Variants in USP11 observed in about 807,000 individuals in gnomAD.
USP11 encodes ubiquitin carboxyl-terminal hydrolase 11.
In USP11, 5 loss-of-function variants were observed where a neutral mutation model predicts 72.8. The ratio of observed to expected loss-of-function variants is 0.07; its 90% CI spans 0.04 to 0.14. The LOEUF (loss-of-function observed/expected upper bound fraction) is 0.14. USP11 is among the 10% of genes least tolerant of loss of function. The pLI is 1.00. For missense variants in USP11, 480 were observed against 794.7 expected, an observed-to-expected ratio of 0.60 and a Z score of 4.76; for synonymous variants, 368 against 326.5, an observed-to-expected ratio of 1.13 and a Z score of -1.37.
In USP11 at chrX:47,241,592, T is replaced by A; in HGVS notation, c.1072T>A (p.Ser358Thr). 4 of 1,208,878 alleles carry A rather than the reference T, an allele frequency of 3.3e-6. No individual in the cohort carries two copies. Among genetic ancestry groups the A allele is most frequent in the Non-Finnish European group, 4.5e-6 (4 of 894,284 alleles). ...SQFLGYQQHDSQELLSFLLDG... is the reference protein window; with the variant it reads ...SQFLGYQQHDTQELLSFLLDG... Reference sequence around the variant, plus strand: ...ATTTCTGGGCTACCAGCAGCATGACTCTCAGGAGCTGCTGTCATTCCTCCT... The same window carrying A: ...ATTTCTGGGCTACCAGCAGCATGACACTCAGGAGCTGCTGTCATTCCTCCT... Residue 358 changes from serine (S) to threonine (T), a missense_variant, in exon 9 of 21, where the codon TCT becomes ACT. Ser to Thr is a moderately conservative substitution (Grantham distance 58). This residue lies in a region of USP11 where 314 missense variants were observed against 556.0 expected (regional missense o/e 0.56). Coordinates refer to ENST00000377107, the MANE Select transcript of USP11 (RefSeq NM_001371072.1).
intron 5 of USP11, 43 bp from the exon 6 acceptor site, chrX:47,240,544 T>G (rs370299607): frequency 2.2e-5 from 27 of 1,207,285 alleles, no homozygotes; most frequent in Admixed American, 1.3e-4. Flanking sequence ...ACCCATAATG[T>G]CCTCCATTAA....
At position 47,247,257 on chromosome X, in the gene USP11, A is replaced by G. The variant is rs749002609; in HGVS notation, c.2420+36A>G. On this transcript the variant is annotated intron_variant, in intron 18 of 20. Coordinates refer to ENST00000377107, the MANE Select transcript of USP11 (RefSeq NM_001371072.1). ...AGGGAGAGGATGGCTGGGGGAAGGCAGGGAAAGGAGGGGGTGTACCAGTAT... is the reference window on the plus strand; with the variant it reads ...AGGGAGAGGATGGCTGGGGGAAGGCGGGGAAAGGAGGGGGTGTACCAGTAT... 96 of 1,209,008 alleles carry G rather than the reference A, an allele frequency of 7.9e-5. No individual in the cohort carries two copies. The South Asian group carries it at 1.1e-3, about 14-fold the overall frequency.
intron 1 of USP11, among the ~76,000 whole-genome samples, chrX:47,238,187 CTT>C (rs756979418): frequency 7.1e-5 from 6 of 84,344 alleles, no homozygotes; most frequent in East Asian, 7.2e-4. Context: ...ATATGCAGTT[CTT>C]TTTTTTTTTT....
At chrX:47,247,584 G>C in intron 19 of USP11, 27 bp from the exon 20 acceptor site, 2 of 1,207,287 alleles carry the variant, frequency 1.7e-6, no homozygotes, top group Non-Finnish European at 2.2e-6. Flanking sequence ...GGAAGGGTAG[G>C]CGAGGATAAC....
At chrX:47,245,578 C>T in intron 17 of USP11, 96 bp downstream of exon 17, 1 of 553,326 alleles carries the variant, frequency 1.8e-6, no homozygotes, top group Non-Finnish European at 2.8e-6. Flanking sequence ...GAGTCTGGCT[C>T]TGTCAACCCA....
In USP11 at chrX:47,247,236, A is replaced by G; in HGVS notation, c.2420+15A>G. 1.7e-6 allele frequency: 2 copies of G among 1,210,909 alleles called. No individual in the cohort carries two copies. Among genetic ancestry groups the G allele is most frequent in the Non-Finnish European group, 2.2e-6 (2 of 895,290 alleles). Reference sequence around the variant, plus strand: ...TTTCCTATCCGGTCAGGGGCCAGGGAGAGGATGGCTGGGGGAAGGCAGGGA... The same window carrying G: ...TTTCCTATCCGGTCAGGGGCCAGGGGGAGGATGGCTGGGGGAAGGCAGGGA... On this transcript the variant is annotated intron_variant, in intron 18 of 20. Transcript: ENST00000377107.
chrX:47,248,223 C>G lies in USP11; in HGVS notation c.*293C>G. 1 of 311,212 alleles carries G rather than the reference C, an allele frequency of 3.2e-6. No homozygotes were observed. Among genetic ancestry groups the G allele is most frequent in the Non-Finnish European group, 5.5e-6 (1 of 180,769 alleles). 25.6% of individuals were successfully genotyped at this position (311,212 alleles called of 1,213,427 possible). A position where few individuals can be genotyped will look rare whatever the true frequency, so the allele number is the denominator to read the frequency against. ...CCTCTCCTCAGCCCAGAGTGTTCTG[C>G]GTGGGTGGTGATGGGGGTTCACCTG... On this transcript the variant is annotated 3_prime_UTR_variant, in exon 21 of 21. Transcript: ENST00000377107.
At chrX:47,238,297 C>T (rs1310684457) in intron 1 of USP11, among the ~76,000 whole-genome samples, 2 of 105,617 alleles carry the variant, frequency 1.9e-5, no homozygotes, top group Non-Finnish European at 3.9e-5. Flanking sequence ...AAGTGATTCT[C>T]ATGCCTCTGC....
In USP11 at chrX:47,248,099, G is replaced by C. The variant is rs1394626110; in HGVS notation, c.*169G>C. The C allele has an allele frequency of 1.2e-5, 9 of 776,454 alleles. No homozygotes were observed. Among genetic ancestry groups the C allele is most frequent in the Admixed American group, 4.1e-5 (1 of 24,265 alleles). The allele number at this position is 776,454 out of a possible 1,213,427, so 64.0% of individuals were successfully genotyped here. A position where few individuals can be genotyped will look rare whatever the true frequency, so the allele number is the denominator to read the frequency against. On this transcript the variant is annotated 3_prime_UTR_variant, in exon 21 of 21. Coordinates refer to ENST00000377107, the MANE Select transcript of USP11 (RefSeq NM_001371072.1). ...CGCTGCATCGCTCTCTCCCGGGAAA[G>C]AACAGGTCGTGTCTCCTCCTAGCAG...
At chrX:47,240,278 T>G (rs764879908) in intron 4 of USP11, 27 bp from the exon 5 acceptor site, 2 of 1,205,248 alleles carry the variant, frequency 1.7e-6, no homozygotes, top group South Asian at 3.6e-5. Context: ...CACAAAGATC[T>G]TGAATGTACT....
chrX:47,243,338 A>G, intron 12 of USP11, 58 bp from the exon 13 acceptor site: 4 of 1,157,831 alleles, frequency 3.5e-6, no homozygotes, highest in South Asian at 1.8e-5. Context: ...CAGCCAGGGC[A>G]GAGTCAGGGA....
intron 14 of USP11, 29 bp downstream of exon 14, chrX:47,244,579 G>A: frequency 8.3e-7 from 1 of 1,209,915 alleles, no homozygotes; most frequent in African/African-American, 1.7e-5. Context: ...AGTGGGCGGG[G>A]GCTCTGGGTT....
chrX:47,240,741 G>A, intron 6 of USP11, 33 bp from the exon 7 acceptor site: 1 of 1,205,490 alleles, frequency 8.3e-7, no homozygotes. Context: ...CATGCAGCAG[G>A]CCCTCAGCTG....
intron 1 of USP11, among the ~76,000 whole-genome samples, chrX:47,237,937 A>G (rs1433005228): frequency 9.1e-6 from 1 of 110,412 alleles, no homozygotes; most frequent in African/African-American, 3.3e-5. Context: ...TATGTCAAGT[A>G]TTTTCCAAAC....
chrX:47,237,542 G>A (rs1039707403), intron 1 of USP11, among the ~76,000 whole-genome samples: 29 of 110,888 alleles, frequency 2.6e-4, no homozygotes, highest in African/African-American at 9.5e-4. Flanking sequence ...GAACCCGGCA[G>A]GCAAAGGTCG....
chrX:47,238,274 G>T (rs1417887197), intron 1 of USP11, among the ~76,000 whole-genome samples: 4 of 100,905 alleles, frequency 4.0e-5, no homozygotes, highest in African/African-American at 1.5e-4. Context: ...TGCAACCTCT[G>T]CCTCCAGGGT....
At chrX:47,246,967 T>C (rs1177898209) in intron 17 of USP11, 105 bp from the exon 18 acceptor site, 1 of 1,014,764 alleles carries the variant, frequency 9.9e-7, no homozygotes. Context: ...GCTGCAGTGA[T>C]CCGAGATCGC....
intron 1 of USP11, among the ~76,000 whole-genome samples, chrX:47,237,775 GGTGTGTGTGTATGTGTGTGTGTGT>G (rs1234307066): frequency 2.1e-4 from 21 of 99,171 alleles, no homozygotes; most frequent in African/African-American, 6.1e-4. Context: ...CAGCAGAACA[GGTGTGTGTGTATGTGTGTGTGTGT>G]GTGTGTGTGT....
intron 19 of USP11, 94 bp downstream of exon 19, chrX:47,247,513 G>T (rs913053758): frequency 7.7e-5 from 89 of 1,156,521 alleles, no homozygotes; most frequent in Non-Finnish European, 1.0e-4. Context: ...ATGTGAGCCA[G>T]TGGTGAGGTT....
Sources: gnomAD v4.1 joint callset for allele counts (sites outside exome capture counted in the v4.1 genomes callset) on GRCh38, gnomAD v4.1.1 for gene constraint, gnomAD v4.1.1 regional missense constraint, MANE v1.5 for transcripts, NCBI Gene and HGNC (gene_info 2026-07-23, HGNC 2026-07-21) for gene names.